Variants in BMPR1B observed in about 807,000 individuals in gnomAD.
BMPR1B encodes the protein bone morphogenetic protein receptor type-1B.
Under a neutral mutation model 59.1 loss-of-function variants are expected in BMPR1B, and 12 were observed. The observed-to-expected ratio is 0.20, with a 90% CI of 0.13 to 0.33. The LOEUF (loss-of-function observed/expected upper bound fraction) is 0.33, where lower values mean the gene tolerates loss of function less well. Ranked by LOEUF, BMPR1B falls within the 10% of genes least tolerant of loss-of-function variation. BMPR1B has a pLI of 1.00. For missense variants in BMPR1B, 550 were observed against 610.9 expected (o/e 0.90, Z 1.05); for synonymous variants, 237 against 207.3 (o/e 1.14, Z -1.23).
chr4:94,961,746 A>G (rs1730362156), intron 2 of BMPR1B, among the ~76,000 whole-genome samples: 1 of 152,192 alleles, frequency 6.6e-6, no homozygotes, highest in African/African-American at 2.4e-5. Flanking sequence ...CAAGTGTGCT[A>G]ACATTATTTC....
At chr4:94,820,258 G>A (rs1418834823) in intron 1 of BMPR1B, among the ~76,000 whole-genome samples, 1 of 152,174 alleles carries the variant, frequency 6.6e-6, no homozygotes, top group African/African-American at 2.4e-5. Context: ...TGATGCCAAA[G>A]TTCATGGTGT....
chr4:94,813,841 T>A (rs1357557831), intron 1 of BMPR1B, among the ~76,000 whole-genome samples: 2 of 152,030 alleles, frequency 1.3e-5, no homozygotes, highest in African/African-American at 2.4e-5. Flanking sequence ...ATATGTGGCA[T>A]GAAAAGGAGG....
intron 4 of BMPR1B, among the ~76,000 whole-genome samples, chr4:95,105,344 T>A (rs1731126238): frequency 6.6e-6 from 1 of 152,018 alleles, no homozygotes; most frequent in African/African-American, 2.4e-5. Flanking sequence ...AAGCAGAGTG[T>A]GCCTTAAGCT....
intron 3 of BMPR1B, among the ~76,000 whole-genome samples, chr4:95,053,265 T>G (rs551120533): frequency 4.2e-4 from 58 of 139,428 alleles, no homozygotes; most frequent in African/African-American, 1.4e-3. Flanking sequence ...TTTAAAAAGC[T>G]CCCTTTGCAG....
At chr4:94,783,884 C>T (rs982632235) in intron 1 of BMPR1B, among the ~76,000 whole-genome samples, 2 of 152,144 alleles carry the variant, frequency 1.3e-5, no homozygotes, top group African/African-American at 4.8e-5. Flanking sequence ...TGGCCCCTCC[C>T]TCCTGGTGAG....
intron 8 of BMPR1B, among the ~76,000 whole-genome samples, chr4:95,128,026 C>T (rs561992242): frequency 2.6e-5 from 4 of 151,866 alleles, no homozygotes; most frequent in East Asian, 1.9e-4. Context: ...CTTGTCACTA[C>T]GGGTGTGTGC....
intron 1 of BMPR1B, among the ~76,000 whole-genome samples, chr4:94,777,390 T>C (rs1509619): frequency 0.32 from 49,191 of 151,722 alleles, 8,752 homozygotes; most frequent in African/African-American, 0.47. Context: ...TAAACAGGAG[T>C]TTTTACTGCT....
intron 1 of BMPR1B, among the ~76,000 whole-genome samples, chr4:94,869,175 T>TTGTC (rs1415933285): frequency 6.6e-6 from 1 of 151,736 alleles, no homozygotes; most frequent in African/African-American, 2.4e-5. Context: ...TAATTTGTAT[T>TTGTC]TGTCAGATAA....
intron 4 of BMPR1B, among the ~76,000 whole-genome samples, chr4:95,113,017 T>C (rs1220250889): frequency 6.6e-6 from 1 of 152,068 alleles, no homozygotes; most frequent in Non-Finnish European, 1.5e-5. Flanking sequence ...TGAATTTTGA[T>C]TTAGATGAGA....
intron 1 of BMPR1B, among the ~76,000 whole-genome samples, chr4:94,860,004 C>G (rs11941775): frequency 0.062 from 9,383 of 152,068 alleles, 757 homozygotes; most frequent in African/African-American, 0.18. Flanking sequence ...AAAACTTGTC[C>G]ATTTGATTAG....
intron 2 of BMPR1B, among the ~76,000 whole-genome samples, chr4:94,894,380 T>C (rs1727509436): frequency 6.6e-6 from 1 of 151,728 alleles, no homozygotes; most frequent in African/African-American, 2.4e-5. Context: ...CAGTAAGCAT[T>C]TATACCTTCT....
chr4:94,916,383 C>G (rs772475881), intron 2 of BMPR1B, among the ~76,000 whole-genome samples: 4 of 152,148 alleles, frequency 2.6e-5, no homozygotes, highest in African/African-American at 9.7e-5. Context: ...GCCAGGCTGC[C>G]GAGGTCTCAA....
At chr4:95,023,250 GC>G (rs1724119786) in intron 3 of BMPR1B, among the ~76,000 whole-genome samples, 1 of 152,110 alleles carries the variant, frequency 6.6e-6, no homozygotes, top group Non-Finnish European at 1.5e-5. Context: ...ACACATGCCT[GC>G]CAAGAAAACT....
chr4:94,977,110 A>G (rs578167094), intron 2 of BMPR1B, among the ~76,000 whole-genome samples: 71 of 152,308 alleles, frequency 4.7e-4, no homozygotes, highest in Non-Finnish European at 7.5e-4. Context: ...AATCTACCCC[A>G]TTAGCAAAAG....
At chr4:95,064,105 T>C (rs1311011168) in intron 3 of BMPR1B, among the ~76,000 whole-genome samples, 1 of 152,150 alleles carries the variant, frequency 6.6e-6, no homozygotes, top group Non-Finnish European at 1.5e-5. Flanking sequence ...TAAATAATTA[T>C]ATGGAAATAT....
chr4:94,965,823 T>C (rs1057172929), intron 2 of BMPR1B, among the ~76,000 whole-genome samples: 37 of 152,134 alleles, frequency 2.4e-4, no homozygotes, highest in African/African-American at 8.4e-4. Context: ...AGTATTGATA[T>C]GATAAACACA....
At chr4:94,867,959 C>T (rs1366959108) in intron 1 of BMPR1B, among the ~76,000 whole-genome samples, 1 of 152,096 alleles carries the variant, frequency 6.6e-6, no homozygotes, top group Non-Finnish European at 1.5e-5. Context: ...GATTCTCCTG[C>T]CTCAGCCTCC....
chr4:94,861,497 AC>A (rs1336084114), intron 1 of BMPR1B, among the ~76,000 whole-genome samples: 1 of 152,122 alleles, frequency 6.6e-6, no homozygotes, highest in East Asian at 1.9e-4. Flanking sequence ...ATTCTAGAAT[AC>A]CTGTGCTCAG....
At chr4:95,154,224 T>A (rs1488619433) in intron 12 of BMPR1B, among the ~76,000 whole-genome samples, 1 of 152,214 alleles carries the variant, frequency 6.6e-6, no homozygotes, top group African/African-American at 2.4e-5. Context: ...TTAAAACTTA[T>A]CAAGTGTTAT....
Sources: gnomAD v4.1 joint callset for allele counts (sites outside exome capture counted in the v4.1 genomes callset) on GRCh38, gnomAD v4.1.1 for gene constraint, MANE v1.5 for transcripts, NCBI Gene and HGNC (gene_info 2026-07-23, HGNC 2026-07-21) for gene names.